MDGA1: variants seen among roughly 807,000 people sequenced by gnomAD.
MDGA1 encodes MAM domain-containing glycosylphosphatidylinositol anchor protein 1.
MDGA1 carries 54 observed loss-of-function variants against 101.5 expected under a neutral mutation model. That is an observed-to-expected ratio of 0.53 (90% CI 0.43 to 0.67). The LOEUF is 0.67. Among genes scored for constraint, MDGA1 ranks in the 30% least tolerant of loss-of-function variants. The pLI is 0.00. For synonymous variants in MDGA1, 533 were observed against 558.3 expected (o/e 0.95, Z 0.64); for missense variants, 1,083 against 1,323.8 (o/e 0.82, Z 2.82).
In MDGA1 at chr6:37,696,377, C is replaced by A. The variant is rs1762419091; in HGVS notation, c.67+368G>T. On this transcript the variant is annotated intron_variant, in intron 1 of 16. Transcript: ENST00000434837. The surrounding 1 kb of genome is among the most constrained non-coding windows in gnomAD (Gnocchi z 5.6). ...CGGCTCATGCATCGCTTGGCTTCCA[C>A]TCCGGAGGCCGAGCCAGGACGAGGT... Among the ~76,000 whole-genome samples, 1 of 152,214 alleles carries A rather than the reference C, an allele frequency of 6.6e-6. No homozygotes were observed. Among genetic ancestry groups the A allele is most frequent in the South Asian group, 2.1e-4 (1 of 4,820 alleles).
Position 37,682,059 on chromosome 6 carries a change from C to G in MDGA1, c.67+14686G>C, listed in dbSNP as rs764778899. On this transcript the variant is annotated intron_variant, in intron 1 of 16. Transcript: ENST00000434837. Reference sequence around the variant, plus strand: ...TTGCCCACATCACACACACACACACCCCTCTGCAAATGAGAATCTAGATCT... The same window carrying G: ...TTGCCCACATCACACACACACACACGCCTCTGCAAATGAGAATCTAGATCT... Among the ~76,000 whole-genome samples the G allele has an allele frequency of 1.4e-4, 21 of 152,162 alleles. 1 individual carries two copies. The highest frequency in any genetic ancestry group is 1.5e-4 in the Non-Finnish European group (10 of 68,036).
intron 1 of MDGA1, among the ~76,000 whole-genome samples, chr6:37,694,050 G>A (rs906250926): frequency 8.5e-5 from 13 of 152,150 alleles, no homozygotes; most frequent in African/African-American, 2.4e-4. Context: ...GCTCTCCACC[G>A]CCTGCTCGTC....
intron 2 of MDGA1, among the ~76,000 whole-genome samples, chr6:37,663,733 G>T (rs550896538): frequency 2.0e-5 from 3 of 152,172 alleles, no homozygotes; most frequent in Non-Finnish European, 4.4e-5. Context: ...TTGAACAACC[G>T]GCATTCCATT....
chr6:37,694,379 T>G (rs1762374642), intron 1 of MDGA1, among the ~76,000 whole-genome samples: 1 of 152,196 alleles, frequency 6.6e-6, no homozygotes, highest in Admixed American at 6.5e-5. Context: ...CTTTCTTCAT[T>G]CAACAAATAC....
At position 37,638,375 on chromosome 6, in the gene MDGA1, C is replaced by T. The variant is rs1763983850; in HGVS notation, c.2668-62G>A. ...GGAGGTTCTGCTGGGTACCAGAGTGCTCCCTCGACCCCACCTTTCCCCTTA... is the reference window on the plus strand; with the variant it reads ...GGAGGTTCTGCTGGGTACCAGAGTGTTCCCTCGACCCCACCTTTCCCCTTA... On this transcript the variant is annotated intron_variant, in intron 15 of 16. Transcript: ENST00000434837. The surrounding 1 kb of genome is among the most constrained non-coding windows in gnomAD (Gnocchi z 4.8). 2.7e-6 allele frequency: 4 copies of T among 1,504,616 alleles called. No homozygotes were observed. Among genetic ancestry groups the T allele is most frequent in the Admixed American group, 1.8e-5 (1 of 56,152 alleles). The allele number at this position is 1,504,616 out of a possible 1,614,324, so 93.2% of individuals were successfully genotyped here.
At chr6:37,688,744 C>T (rs1470737336) in intron 1 of MDGA1, among the ~76,000 whole-genome samples, 1 of 152,232 alleles carries the variant, frequency 6.6e-6, no homozygotes, top group East Asian at 1.9e-4. Context: ...AGTGCTATCA[C>T]TCCTGGGCTT....
chr6:37,658,502 C>G (rs1054546312), intron 2 of MDGA1, 83 bp from the exon 3 acceptor site: 141 of 1,358,820 alleles, frequency 1.0e-4, no homozygotes, highest in Non-Finnish European at 1.3e-4. Flanking sequence ...GCAACGGCAC[C>G]CCCTTTCTCC....
intron 1 of MDGA1, among the ~76,000 whole-genome samples, chr6:37,691,075 A>G (rs1004744501): frequency 6.6e-6 from 1 of 152,070 alleles, no homozygotes; most frequent in Admixed American, 6.5e-5. Context: ...ATCTCCCCCT[A>G]CCTTACATGT....
intron 7 of MDGA1, among the ~76,000 whole-genome samples, chr6:37,651,320 C>T (rs917125943): frequency 1.3e-5 from 2 of 152,212 alleles, no homozygotes; most frequent in Admixed American, 1.3e-4. Flanking sequence ...CCATGAGTCC[C>T]ATTGCACATT....
chr6:37,655,855 C>A lies in MDGA1; in HGVS notation c.424G>T (p.Asp142Tyr). 1 of 1,613,516 alleles carries A rather than the reference C, an allele frequency of 6.2e-7. No individual in the cohort carries two copies. Among genetic ancestry groups the A allele is most frequent in the Non-Finnish European group, 8.5e-7 (1 of 1,179,710 alleles). Residue 142 changes from aspartate (D) to tyrosine (Y), a missense_variant, in exon 4 of 17, where the codon GAT (aspartate) becomes TAT (tyrosine). Asp to Tyr is a radical substitution (Grantham distance 160, BLOSUM62 -3). This residue lies in a region of MDGA1 where 310 missense variants were observed against 355.9 expected (regional missense o/e 0.87). Transcript: ENST00000434837. The surrounding 1 kb of genome is among the most constrained non-coding windows in gnomAD (Gnocchi z 5.1). The part of the protein sequence containing the change: ...PMLTVHQTVS[D>Y]VRGNFYQEKT... ...TCCTGGTAGAAGTTGCCTCGCACAT[C>A]GCTCACCGTCTGGTGCACCGTCAGC... is the stretch of plus-strand genomic sequence containing the variant.
At chr6:37,663,246 C>A (rs997148420) in intron 2 of MDGA1, among the ~76,000 whole-genome samples, 3 of 152,190 alleles carry the variant, frequency 2.0e-5, no homozygotes, top group African/African-American at 7.2e-5. Flanking sequence ...CTGAGCCATA[C>A]ACTTCGACGG....
At chr6:37,677,621 G>A (rs1762008503) in intron 1 of MDGA1, among the ~76,000 whole-genome samples, 1 of 152,196 alleles carries the variant, frequency 6.6e-6, no homozygotes, top group Non-Finnish European at 1.5e-5. Flanking sequence ...TATATTGACA[G>A]GTATGGGCAG....
intron 2 of MDGA1, among the ~76,000 whole-genome samples, chr6:37,662,715 G>A (rs1301587333): frequency 6.6e-6 from 1 of 152,074 alleles, no homozygotes; most frequent in Non-Finnish European, 1.5e-5. Context: ...ATGAGCCCAA[G>A]GGTTTGCGCC....
Position 37,697,025 on chromosome 6 carries a change from G to A in MDGA1, c.-214C>T. ...GCCGCTGCCCGCGTGGGGACGCAGG[G>A]GGCGCTGGCCCAGCCCCGGGTGCCT... On this transcript the variant is annotated 5_prime_UTR_variant, in exon 1 of 17. Transcript: ENST00000434837. The A allele has an allele frequency of 1.9e-6, 1 of 539,098 alleles. No individual in the cohort carries two copies. Among genetic ancestry groups the A allele is most frequent in the Admixed American group, 3.3e-5 (1 of 30,382 alleles). 33.4% of individuals were successfully genotyped at this position (539,098 alleles called of 1,614,324 possible). A position where few individuals can be genotyped will look rare whatever the true frequency, so the allele number is the denominator to read the frequency against.
At chr6:37,692,302 G>A (rs1379225553) in intron 1 of MDGA1, among the ~76,000 whole-genome samples, 3 of 152,152 alleles carry the variant, frequency 2.0e-5, no homozygotes, top group Non-Finnish European at 4.4e-5. Flanking sequence ...CCGGAGGTGG[G>A]AGGTGAGGCA....
chr6:37,637,989 C>T, intron 16 of MDGA1: 1 of 605,356 alleles, frequency 1.7e-6, no homozygotes, highest in East Asian at 2.8e-5. Context: ...GTATGCTCAT[C>T]ACGAGGGTGG....
Position 37,657,809 on chromosome 6 carries a change from T to C in MDGA1, c.382+436A>G, listed in dbSNP as rs751257807. Among the ~76,000 whole-genome samples the C allele has an allele frequency of 9.2e-5, 14 of 152,080 alleles. 1 individual carries two copies. In the South Asian group the frequency reaches 1.4e-3, roughly 16 times the overall value. On this transcript the variant is annotated intron_variant, in intron 3 of 16. Transcript: ENST00000434837. The stretch of plus-strand genomic sequence containing the variant: ...ACCTGGGGAGTGGGGCTTGGTCCTA[T>C]ATGTAATGTAGTAAGGAGGGAAATC...
intron 3 of MDGA1, among the ~76,000 whole-genome samples, chr6:37,656,633 G>A (rs3857570): frequency 0.59 from 90,080 of 151,784 alleles, 28,067 homozygotes; most frequent in East Asian, 0.85. Flanking sequence ...TCAGCCTCCT[G>A]AAATGCTGGG....
intron 1 of MDGA1, among the ~76,000 whole-genome samples, chr6:37,665,579 G>A (rs1013137852): frequency 5.9e-5 from 9 of 152,136 alleles, no homozygotes; most frequent in African/African-American, 1.9e-4. Context: ...AACAATTGCC[G>A]ACCATCTACT....
Sources: allele counts gnomAD v4.1 joint callset (sites outside exome capture counted in the v4.1 genomes callset), GRCh38; gene constraint gnomAD v4.1.1; regional missense constraint gnomAD v4.1.1; non-coding constraint Gnocchi (gnomAD v3.1); transcripts MANE v1.5; gene names NCBI Gene and HGNC (gene_info 2026-07-23, HGNC 2026-07-21).